Variants in DDX6 observed in about 807,000 individuals in gnomAD.
DDX6 encodes DEAD-box helicase 6, also known as probable ATP-dependent RNA helicase DDX6.
DDX6 carries 7 observed loss-of-function variants against 60.6 expected under a neutral mutation model. The ratio of observed to expected loss-of-function variants is 0.12; its 90% CI spans 0.07 to 0.22. DDX6 has a LOEUF of 0.22. DDX6 is among the 10% of genes least tolerant of loss of function. DDX6 has a pLI of 1.00. For missense variants in DDX6, 270 were observed against 589.9 expected (o/e 0.46, Z 5.62); for synonymous variants, 207 against 201.0 (o/e 1.03, Z -0.25).
chr11:118,772,610 T>C (rs1282520727), intron 4 of DDX6, among the ~76,000 whole-genome samples: 1 of 152,174 alleles, frequency 6.6e-6, no homozygotes, highest in Non-Finnish European at 1.5e-5. Flanking sequence ...AGCATTAAAT[T>C]GTATACTTTT....
At chr11:118,761,857 A>C (rs1210020857) in intron 7 of DDX6, among the ~76,000 whole-genome samples, 1 of 77,222 alleles carries the variant, frequency 1.3e-5, no homozygotes, top group Admixed American at 1.8e-4. Context: ...GTAAAAATTA[A>C]ATGGAAAAAA....
At chr11:118,762,644 T>C (rs1294330338) in intron 7 of DDX6, among the ~76,000 whole-genome samples, 3 of 152,240 alleles carry the variant, frequency 2.0e-5, no homozygotes, top group South Asian at 4.1e-4. Flanking sequence ...AGGAAAAATA[T>C]CAATCTTAAA....
At chr11:118,779,170 A>AC (rs1861803698) in intron 4 of DDX6, among the ~76,000 whole-genome samples, 1 of 151,330 alleles carries the variant, frequency 6.6e-6, no homozygotes, top group African/African-American at 2.4e-5. Flanking sequence ...AAAAAAAAAA[A>AC]AAAAGAGGGA....
chr11:118,756,629 AAAAAAAG>A (rs1860986773), intron 10 of DDX6, among the ~76,000 whole-genome samples: 1 of 152,236 alleles, frequency 6.6e-6, no homozygotes, highest in Non-Finnish European at 1.5e-5. Context: ...AACAGTAAAG[AAAAAAAG>A]AAAAATCAGC....
intron 6 of DDX6, among the ~76,000 whole-genome samples, chr11:118,763,583 C>T (rs772092969): frequency 1.1e-4 from 16 of 152,076 alleles, no homozygotes; most frequent in African/African-American, 9.7e-5. Flanking sequence ...CCTGTAATCC[C>T]AGTACTTTGG....
intron 2 of DDX6, among the ~76,000 whole-genome samples, chr11:118,784,603 C>T (rs1312792048): frequency 3.3e-5 from 5 of 151,674 alleles, no homozygotes; most frequent in Non-Finnish European, 7.4e-5. Flanking sequence ...GGATTACAGG[C>T]GCATGCCATC....
rs1860680952 is a variant in DDX6 at position 118,749,516 on chromosome 11, T to G, written c.*2589A>C. On this transcript the variant is annotated 3_prime_UTR_variant, in exon 14 of 14. Coordinates refer to ENST00000534980, the MANE Select transcript of DDX6 (RefSeq NM_004397.6). ...GTGTCCCAGATAGTTTAAGTGCCAC[T>G]CCTCATTAGAGGCTATACTTCAGTA... 1 of 152,306 alleles carries G rather than the reference T, an allele frequency of 6.6e-6. No individual in the cohort carries two copies. Among genetic ancestry groups the G allele is most frequent in the African/African-American group, 2.4e-5 (1 of 41,362 alleles). 9.4% of individuals were successfully genotyped at this position (152,306 alleles called of 1,614,324 possible).
chr11:118,766,452 GAAATAA>G (rs1271034749), intron 5 of DDX6, among the ~76,000 whole-genome samples: 2 of 151,960 alleles, frequency 1.3e-5, no homozygotes, highest in Non-Finnish European at 2.9e-5. Flanking sequence ...AAAAAATTAA[GAAATAA>G]AAATAAAAAG....
intron 2 of DDX6, among the ~76,000 whole-genome samples, chr11:118,783,664 TG>T (rs1861976514): frequency 6.6e-6 from 1 of 151,426 alleles, no homozygotes; most frequent in Non-Finnish European, 1.5e-5. Context: ...TAGCCAGACG[TG>T]ATGGTGGACA....
chr11:118,748,798 T>C lies in DDX6; in HGVS notation c.*3307A>G, dbSNP rs1555156466. 1.3e-5 allele frequency: 2 copies of C among 151,266 alleles called. No individual in the cohort carries two copies. The highest frequency in any genetic ancestry group is 4.9e-5 in the African/African-American group (2 of 41,044). The allele number at this position is 151,266 out of a possible 1,614,324, so 9.4% of individuals were successfully genotyped here. A position where few individuals can be genotyped will look rare whatever the true frequency, so the allele number is the denominator to read the frequency against. ...ACGTCATCAGAATGAGATGTTTTGA[T>C]TCCAACAATTTATACTCAAGGCTTT... On this transcript the variant is annotated 3_prime_UTR_variant, in exon 14 of 14. Transcript: ENST00000534980.
At position 118,749,272 on chromosome 11, in the gene DDX6, T is replaced by TA. The variant is rs1287929021; in HGVS notation, c.*2832dup. 6 of 131,558 alleles carry TA rather than the reference T, an allele frequency of 4.6e-5. No individual in the cohort carries two copies. Among genetic ancestry groups the TA allele is most frequent in the South Asian group, 2.5e-4 (1 of 3,936 alleles). 8.1% of individuals were successfully genotyped at this position (131,558 alleles called of 1,614,324 possible). On this transcript the variant is annotated 3_prime_UTR_variant, in exon 14 of 14. Coordinates refer to ENST00000534980, the MANE Select transcript of DDX6 (RefSeq NM_004397.6). ...GCCACTGGAAAATATTATCATTACT[T>TA]AAAAAAATACATATTTAATATTGGA...
intron 5 of DDX6, chr11:118,767,923 C>T (rs1385548255): frequency 4.7e-6 from 1 of 213,234 alleles, no homozygotes; most frequent in Non-Finnish European, 9.4e-6. Context: ...TGTGAGGCAC[C>T]GTGCCCAGCC....
intron 3 of DDX6, among the ~76,000 whole-genome samples, chr11:118,780,636 G>A (rs76495948): frequency 1.0e-3 from 155 of 152,230 alleles, no homozygotes; most frequent in Admixed American, 3.5e-3. Flanking sequence ...AGTCTCCTAA[G>A]GACTGGTGGA....
In DDX6 at chr11:118,750,129, G is replaced by C. The variant is rs1277028090; in HGVS notation, c.*1976C>G. 6.7e-6 allele frequency: 1 copy of C among 150,282 alleles called. No homozygotes were observed. The allele number at this position is 150,282 out of a possible 1,614,324, so 9.3% of individuals were successfully genotyped here. ...TTAAAGTATATGCGGGACTTATTTT[G>C]TAATATTTTAGGGTTTTGAAAAATA... On this transcript the variant is annotated 3_prime_UTR_variant, in exon 14 of 14. Transcript: ENST00000534980.
At chr11:118,779,133 G>A (rs565330974) in intron 4 of DDX6, among the ~76,000 whole-genome samples, 26 of 140,954 alleles carry the variant, frequency 1.8e-4, no homozygotes, top group African/African-American at 6.7e-4. Context: ...TCCAGCCTGG[G>A]TGACAGGGCA....
At chr11:118,785,063 C>A (rs1031653634) in intron 2 of DDX6, among the ~76,000 whole-genome samples, 1 of 152,252 alleles carries the variant, frequency 6.6e-6, no homozygotes, top group East Asian at 1.9e-4. Flanking sequence ...CCACTGCACC[C>A]GGACCTATAT....
intron 2 of DDX6, among the ~76,000 whole-genome samples, chr11:118,784,165 A>G (rs1462370862): frequency 6.6e-6 from 1 of 152,100 alleles, no homozygotes; most frequent in Non-Finnish European, 1.5e-5. Flanking sequence ...TGCCAAGACA[A>G]ACTACAACTG....
In DDX6 at chr11:118,777,899, A is replaced by G. The variant is rs78366652; in HGVS notation, c.369+1733T>C. Reference sequence around the variant, plus strand: ...GCTAGACTCCATCTCAAAAAAGAGAAAAAAAAAAAAAAAAACCAAGAAAGT... The same window carrying G: ...GCTAGACTCCATCTCAAAAAAGAGAGAAAAAAAAAAAAAAACCAAGAAAGT... On this transcript the variant is annotated intron_variant, in intron 4 of 13. Coordinates refer to ENST00000534980, the MANE Select transcript of DDX6 (RefSeq NM_004397.6). Among the ~76,000 whole-genome samples the G allele has an allele frequency of 1.8e-4, 27 of 149,376 alleles. 2 individuals are homozygous for G. Among genetic ancestry groups the G allele is most frequent in the African/African-American group, 6.2e-4 (25 of 40,382 alleles).
intron 8 of DDX6, among the ~76,000 whole-genome samples, chr11:118,759,565 C>A (rs548423246): frequency 6.6e-6 from 1 of 152,118 alleles, no homozygotes; most frequent in South Asian, 2.1e-4. Context: ...GCATCATGTT[C>A]GTGGCTCAAA....
Sources: allele counts gnomAD v4.1 joint callset (sites outside exome capture counted in the v4.1 genomes callset), GRCh38; gene constraint gnomAD v4.1.1; transcripts MANE v1.5; gene names NCBI Gene and HGNC (gene_info 2026-07-23, HGNC 2026-07-21).